CCSER1: variants seen among roughly 807,000 people sequenced by gnomAD.
CCSER1 encodes the protein coiled-coil serine rich protein 1, also known as serine-rich coiled-coil domain-containing protein 1.
A neutral mutation model predicts 82.0 loss-of-function variants in CCSER1; 41 were observed. The ratio of observed to expected loss-of-function variants is 0.50; its 90% CI spans 0.39 to 0.65. The LOEUF (loss-of-function observed/expected upper bound fraction) is 0.65. CCSER1 is among the 30% of genes least tolerant of loss of function. CCSER1 has a pLI of 0.00. For synonymous variants in CCSER1, 414 were observed against 383.9 expected (o/e 1.08, Z -0.92); for missense variants, 1,119 against 1,064.2 (o/e 1.05, Z -0.72).
intron 6 of CCSER1, among the ~76,000 whole-genome samples, chr4:90,702,309 C>G (rs999217664): frequency 2.6e-5 from 4 of 152,072 alleles, no homozygotes; most frequent in African/African-American, 9.7e-5. Flanking sequence ...GCCTTGCATC[C>G]CAGGGATGAA....
intron 1 of CCSER1, among the ~76,000 whole-genome samples, chr4:90,168,525 G>C (rs1730966037): frequency 6.6e-6 from 1 of 152,030 alleles, no homozygotes; most frequent in Non-Finnish European, 1.5e-5. Flanking sequence ...ATTGCTTTTG[G>C]TGTTTTAGAC....
At position 91,153,298 on chromosome 4, in the gene CCSER1, G is replaced by A. The variant is rs191047262; in HGVS notation, c.2217+67304G>A. Among the ~76,000 whole-genome samples the A allele has an allele frequency of 2.6e-3, 395 of 151,820 alleles. 2 individuals are homozygous for A. The highest frequency in any genetic ancestry group is 8.7e-3 in the African/African-American group (360 of 41,436). On this transcript the variant is annotated intron_variant, in intron 10 of 10. Transcript: ENST00000509176. ...CTGATACCCTTTCTTCCACTTGATCGAATCGGCTCTTGAAGCTTGTGCATG... is the reference window on the plus strand; with the variant it reads ...CTGATACCCTTTCTTCCACTTGATCAAATCGGCTCTTGAAGCTTGTGCATG...
intron 1 of CCSER1, among the ~76,000 whole-genome samples, chr4:90,307,546 G>C (rs1459966323): frequency 6.6e-6 from 1 of 151,398 alleles, no homozygotes; most frequent in East Asian, 2.0e-4. Context: ...ATTACCTATT[G>C]TAAATGACGA....
intron 5 of CCSER1, among the ~76,000 whole-genome samples, chr4:90,540,555 T>C (rs1334575375): frequency 6.6e-6 from 1 of 152,120 alleles, no homozygotes; most frequent in African/African-American, 2.4e-5. Context: ...TATTTTATTT[T>C]TATGTAGTTA....
chr4:90,773,010 G>A (rs1752418635), intron 7 of CCSER1, among the ~76,000 whole-genome samples: 1 of 152,164 alleles, frequency 6.6e-6, no homozygotes, highest in Non-Finnish European at 1.5e-5. Context: ...GGATGCCAAG[G>A]CGGGCGGATC....
At chr4:90,564,109 A>T (rs748670436) in intron 5 of CCSER1, among the ~76,000 whole-genome samples, 33 of 151,476 alleles carry the variant, frequency 2.2e-4, no homozygotes, top group Non-Finnish European at 4.3e-4. Flanking sequence ...CATGTATTTT[A>T]CCTGTGTTTT....
chr4:91,412,882 G>A (rs375257597), intron 10 of CCSER1, among the ~76,000 whole-genome samples: 18 of 151,964 alleles, frequency 1.2e-4, no homozygotes, highest in African/African-American at 2.4e-4. Context: ...AAGAAGGGGG[G>A]ATCTATGAAT....
chr4:91,359,612 C>A (rs369973722), intron 10 of CCSER1, among the ~76,000 whole-genome samples: 1 of 151,350 alleles, frequency 6.6e-6, no homozygotes, highest in Admixed American at 6.6e-5. Flanking sequence ...ATATCTCAAG[C>A]GATTAGTATC....
At chr4:90,243,406 G>A (rs1414139362) in intron 1 of CCSER1, among the ~76,000 whole-genome samples, 2 of 151,854 alleles carry the variant, frequency 1.3e-5, no homozygotes, top group Non-Finnish European at 2.9e-5. Flanking sequence ...GTGCCACCAT[G>A]CTCAGCTAAT....
chr4:90,478,837 T>C (rs1237047794), intron 5 of CCSER1, among the ~76,000 whole-genome samples: 1 of 151,450 alleles, frequency 6.6e-6, no homozygotes, highest in East Asian at 1.9e-4. Flanking sequence ...ACCTCCCAGG[T>C]TCAAGCAATT....
chr4:90,480,793 G>A (rs915497079), intron 5 of CCSER1, among the ~76,000 whole-genome samples: 13 of 152,146 alleles, frequency 8.5e-5, no homozygotes, highest in Non-Finnish European at 1.8e-4. Context: ...TTGTAGTATA[G>A]TTTGAAGTCA....
At chr4:90,503,042 G>A (rs1489105096) in intron 5 of CCSER1, among the ~76,000 whole-genome samples, 2 of 152,082 alleles carry the variant, frequency 1.3e-5, no homozygotes, top group Non-Finnish European at 2.9e-5. Flanking sequence ...ATCAGAAACT[G>A]TACATGGAGG....
intron 10 of CCSER1, among the ~76,000 whole-genome samples, chr4:91,472,339 A>G (rs921705925): frequency 2.0e-5 from 3 of 152,220 alleles, no homozygotes; most frequent in Non-Finnish European, 4.4e-5. Flanking sequence ...TCATATTAAC[A>G]TGAATAAAAG....
rs568102334 is a variant in CCSER1 at position 91,477,978 on chromosome 4, C to T, written c.2218-120594C>T. Among the ~76,000 whole-genome samples the T allele has an allele frequency of 7.2e-5, 11 of 151,920 alleles. No individual in the cohort carries two copies. The East Asian group carries it at 1.2e-3, about 16-fold the overall frequency. ...TTCAAGGTCATAGAATGAAGTATTA[C>T]GACTATATTCCAGTCTTCTTGACCA... On this transcript the variant is annotated intron_variant, in intron 10 of 10. Coordinates refer to ENST00000509176, the MANE Select transcript of CCSER1 (RefSeq NM_001145065.2).
intron 1 of CCSER1, among the ~76,000 whole-genome samples, chr4:90,242,977 G>A (rs1271213673): frequency 1.3e-5 from 2 of 151,958 alleles, no homozygotes; most frequent in Non-Finnish European, 2.9e-5. Flanking sequence ...TGATGTGCTG[G>A]GGACTTGATA....
intron 10 of CCSER1, among the ~76,000 whole-genome samples, chr4:91,312,334 A>T (rs2149254585): frequency 6.6e-6 from 1 of 151,874 alleles, no homozygotes; most frequent in African/African-American, 2.4e-5. Context: ...CAGAGATTCC[A>T]ATGTGGTGGT....
At chr4:90,921,912 C>T (rs1269246155) in intron 8 of CCSER1, among the ~76,000 whole-genome samples, 1 of 152,044 alleles carries the variant, frequency 6.6e-6, no homozygotes, top group Non-Finnish European at 1.5e-5. Context: ...TACTACCTCT[C>T]CCTGTTCTTT....
At chr4:90,317,552 G>A (rs1736393168) in intron 3 of CCSER1, among the ~76,000 whole-genome samples, 1 of 152,182 alleles carries the variant, frequency 6.6e-6, no homozygotes, top group Non-Finnish European at 1.5e-5. Context: ...AACCTGGGAG[G>A]TGAAGGTTGC....
intron 3 of CCSER1, among the ~76,000 whole-genome samples, chr4:90,348,492 C>T (rs1561071600): frequency 6.6e-6 from 1 of 151,794 alleles, no homozygotes; most frequent in Non-Finnish European, 1.5e-5. Flanking sequence ...TTTAATTTTC[C>T]CCAAACTGTT....
Sources: allele counts gnomAD v4.1 joint callset (sites outside exome capture counted in the v4.1 genomes callset), GRCh38; gene constraint gnomAD v4.1.1; transcripts MANE v1.5; gene names NCBI Gene and HGNC (gene_info 2026-07-23, HGNC 2026-07-21).